Variants in PIGG observed in about 807,000 individuals in gnomAD.
PIGG encodes the protein phosphatidylinositol glycan anchor biosynthesis class G (EMM blood group), also known as GPI ethanolamine phosphate transferase 2, catalytic subunit.
A neutral mutation model predicts 83.2 loss-of-function variants in PIGG; 70 were observed. That is an observed-to-expected ratio of 0.84 (90% CI 0.69 to 1.03). The LOEUF (loss-of-function observed/expected upper bound fraction) is 1.03, where lower values mean the gene tolerates loss of function less well. Ranked by LOEUF, PIGG falls within the 50% of genes least tolerant of loss-of-function variation. The probability of loss-of-function intolerance (pLI) is 0.00; values close to 1 mark genes in which losing one functional copy is unlikely to be tolerated. For synonymous variants in PIGG, 532 were observed against 519.5 expected, an observed-to-expected ratio of 1.02 and a Z score of -0.33; for missense variants, 1,257 against 1,233.6, an observed-to-expected ratio of 1.02 and a Z score of -0.28.
intron 12 of PIGG, among the ~76,000 whole-genome samples, chr4:535,976 C>T (rs954596133): frequency 2.0e-5 from 3 of 152,208 alleles, no homozygotes; most frequent in East Asian, 1.9e-4. Context: ...GAGCCCTTTA[C>T]AGGACATGCG....
At chr4:527,949 G>T (rs1425208196) in intron 10 of PIGG, 1 of 985,274 alleles carries the variant, frequency 1.0e-6, no homozygotes, top group East Asian at 1.1e-4. Flanking sequence ...GCAGGAGCCT[G>T]GGATGGGACA....
In PIGG at chr4:533,696, G is replaced by A. The variant is rs187163304; in HGVS notation, c.2572-122G>A. On this transcript the variant is annotated intron_variant, in intron 11 of 12. Coordinates refer to ENST00000453061, the MANE Select transcript of PIGG (RefSeq NM_001127178.3). ...GCCACCTCTGACCACACGTGTGTCC[G>A]TGCCGGCGTGGTTATCTGGGCTGCC... The A allele has an allele frequency of 3.3e-4, 289 of 870,882 alleles. 3 individuals carry two copies. In the East Asian group the frequency reaches 7.2e-3, roughly 22 times the overall value. 53.9% of individuals were successfully genotyped at this position (870,882 alleles called of 1,614,324 possible). A position where few individuals can be genotyped will look rare whatever the true frequency, so the allele number is the denominator to read the frequency against.
chr4:503,410 G>A (rs1424331589), intron 2 of PIGG, among the ~76,000 whole-genome samples: 9 of 152,238 alleles, frequency 5.9e-5, no homozygotes, highest in African/African-American at 1.2e-4. Flanking sequence ...CCTCACTCCC[G>A]TTTACCTCTT....
intron 11 of PIGG, chr4:531,586 C>T: frequency 6.5e-6 from 1 of 152,852 alleles, no homozygotes; most frequent in Non-Finnish European, 1.5e-5. Context: ...GTGCTCCCAG[C>T]CTTTCCCATG....
intron 1 of PIGG, chr4:500,168 G>T (rs1717099136): frequency 1.8e-6 from 1 of 562,398 alleles, no homozygotes; most frequent in East Asian, 3.0e-5. Flanking sequence ...TCACCATACT[G>T]AGGATAATTC....
At chr4:525,283 G>A in intron 9 of PIGG, 1 of 985,270 alleles carries the variant, frequency 1.0e-6, no homozygotes, top group South Asian at 4.7e-5. Flanking sequence ...ATAAGTAGAA[G>A]AAACCAGGAC....
rs369146029 is a variant in PIGG, at chr4:508,931, C to T, written c.862C>T (p.Pro288Ser). ...GASSTEEVNT[P>S]LILISSAFER... ...CTCCTCCACCGAGGAGGTGAATACA[C>T]CTCTGATTTTAATCAGTTCTGCGTT... is the stretch of plus-strand genomic sequence containing the variant. Residue 288 changes from proline (P) to serine (S), a missense_variant, in exon 5 of 13, where the codon CCT becomes TCT. Transcript: ENST00000453061. 1 of 1,613,722 alleles carries T rather than the reference C, an allele frequency of 6.2e-7. No homozygotes were observed. The highest frequency in any genetic ancestry group is 8.5e-7 in the Non-Finnish European group (1 of 1,179,674).
chr4:538,061 C>CCACA (rs1553902538), intron 12 of PIGG, among the ~76,000 whole-genome samples: 27 of 114,474 alleles, frequency 2.4e-4, no homozygotes, highest in African/African-American at 7.1e-4. Flanking sequence ...ACCCACACAC[C>CCACA]CACACACACG....
Position 515,859 on chromosome 4 carries a change from G to A in PIGG, c.902-114G>A. 2.5e-6 allele frequency: 2 copies of A among 793,874 alleles called. No individual in the cohort carries two copies. Among genetic ancestry groups the A allele is most frequent in the South Asian group, 1.5e-5 (1 of 65,104 alleles). 49.2% of individuals were successfully genotyped at this position (793,874 alleles called of 1,614,324 possible). On this transcript the variant is annotated intron_variant, in intron 5 of 12. Transcript: ENST00000453061. The surrounding 1 kb of genome is among the most constrained non-coding windows in gnomAD (Gnocchi z 4.2). ...TTCCTGTACGATTCTGTGTTGAGTG[G>A]TGTGAAGAGACGGATCATTTGGCTC...
At chr4:517,870 T>C (rs1050522085) in intron 6 of PIGG, among the ~76,000 whole-genome samples, 4 of 152,180 alleles carry the variant, frequency 2.6e-5, no homozygotes, top group Admixed American at 2.6e-4. Context: ...TCATCAAGAA[T>C]CATGTTTGAT....
At chr4:507,193 G>A (rs1577022868) in intron 3 of PIGG, among the ~76,000 whole-genome samples, 1 of 152,318 alleles carries the variant, frequency 6.6e-6, no homozygotes, top group African/African-American at 2.4e-5. Flanking sequence ...TCCCGCTTCA[G>A]CCTCCTCAAG....
intron 5 of PIGG, among the ~76,000 whole-genome samples, chr4:510,831 C>G (rs192908272): frequency 5.4e-4 from 82 of 152,236 alleles, no homozygotes; most frequent in African/African-American, 1.7e-3. Context: ...CTTCCTCTTC[C>G]CCAGCCCAGT....
chr4:505,118 A>G (rs1183734739), intron 2 of PIGG, among the ~76,000 whole-genome samples: 5 of 152,122 alleles, frequency 3.3e-5, no homozygotes, highest in African/African-American at 1.2e-4. Context: ...TTTCTAATGT[A>G]TACCTCACTT....
intron 12 of PIGG, among the ~76,000 whole-genome samples, chr4:534,935 T>C (rs1461221488): frequency 6.7e-6 from 1 of 150,282 alleles, no homozygotes; most frequent in African/African-American, 2.5e-5. Flanking sequence ...GCAGAAGTTC[T>C]CCCGGGGAAA....
At chr4:518,048 G>A (rs941321303) in intron 6 of PIGG, among the ~76,000 whole-genome samples, 2 of 152,162 alleles carry the variant, frequency 1.3e-5, no homozygotes, top group Non-Finnish European at 2.9e-5. Context: ...CTAGAGTCAC[G>A]TGTGGAAGAC....
At chr4:522,741 G>C (rs927351051) in intron 8 of PIGG, 6 of 153,916 alleles carry the variant, frequency 3.9e-5, no homozygotes, top group Admixed American at 1.9e-4. Flanking sequence ...CTTGCACCTC[G>C]GGCCCATCTG....
chr4:539,416 T>TA lies in PIGG; in HGVS notation c.*48dup. 1 of 1,151,892 alleles carries TA rather than the reference T, an allele frequency of 8.7e-7. No homozygotes were observed. Among genetic ancestry groups the TA allele is most frequent in the Non-Finnish European group, 1.3e-6 (1 of 792,002 alleles). The allele number at this position is 1,151,892 out of a possible 1,614,324, so 71.4% of individuals were successfully genotyped here. A position where few individuals can be genotyped will look rare whatever the true frequency, so the allele number is the denominator to read the frequency against. On this transcript the variant is annotated 3_prime_UTR_variant, in exon 13 of 13. Transcript: ENST00000453061. ...ATAATACATGCTTAAAGTCTGCTGT[T>TA]ATTCTAAAATGAAAGATATGAATTC... is the stretch of plus-strand genomic sequence containing the variant.
intron 5 of PIGG, among the ~76,000 whole-genome samples, chr4:513,684 G>A (rs1019780537): frequency 1.3e-5 from 2 of 152,200 alleles, no homozygotes; most frequent in Non-Finnish European, 2.9e-5. Flanking sequence ...GTAGAGACCG[G>A]CGGTGAAAGG....
At chr4:521,294 A>G in intron 7 of PIGG, 21 bp downstream of exon 7, 1 of 1,536,500 alleles carries the variant, frequency 6.5e-7, no homozygotes, top group East Asian at 2.3e-5. Context: ...TCACACAGTC[A>G]TGGCTCAGGT....
Sources: allele counts gnomAD v4.1 joint callset (sites outside exome capture counted in the v4.1 genomes callset), GRCh38; gene constraint gnomAD v4.1.1; non-coding constraint Gnocchi (gnomAD v3.1); transcripts MANE v1.5; gene names NCBI Gene and HGNC (gene_info 2026-07-23, HGNC 2026-07-21).